The following CETN3 variants were observed in gnomAD, a reference collection of about 807,000 sequenced individuals.
CETN3 encodes centrin 3, also known as centrin-3.
CETN3 carries 17 observed loss-of-function variants against 20.1 expected under a neutral mutation model. The ratio of observed to expected loss-of-function variants is 0.85; its 90% CI spans 0.58 to 1.27. The LOEUF (loss-of-function observed/expected upper bound fraction) is 1.27, where lower values mean the gene tolerates loss of function less well. Among genes scored for constraint, CETN3 ranks in the 50% most tolerant of loss-of-function variants. The pLI is 0.00. For missense variants in CETN3, 169 were observed against 191.2 expected, an observed-to-expected ratio of 0.88 and a Z score of 0.69; for synonymous variants, 52 against 59.7, an observed-to-expected ratio of 0.87 and a Z score of 0.59.
intron 2 of CETN3, among the ~76,000 whole-genome samples, chr5:90,406,030 A>G (rs1275867282): frequency 6.6e-6 from 1 of 152,206 alleles, no homozygotes; most frequent in Non-Finnish European, 1.5e-5. Flanking sequence ...CAAAGTAACC[A>G]ACAAGTGTTT....
intron 3 of CETN3, among the ~76,000 whole-genome samples, chr5:90,399,920 T>C (rs980339341): frequency 1.3e-5 from 2 of 152,212 alleles, no homozygotes; most frequent in African/African-American, 4.8e-5. Context: ...CATCTACCTG[T>C]GGAGAGACAT....
intron 3 of CETN3, among the ~76,000 whole-genome samples, chr5:90,402,754 A>G (rs1749330739): frequency 6.6e-6 from 1 of 152,240 alleles, no homozygotes; most frequent in Non-Finnish European, 1.5e-5. Flanking sequence ...AATTTGGTCC[A>G]AAGGCTATAG....
chr5:90,402,767 G>A (rs895163639), intron 3 of CETN3, among the ~76,000 whole-genome samples: 10 of 152,196 alleles, frequency 6.6e-5, no homozygotes, highest in African/African-American at 2.4e-4. Context: ...GGCTATAGTT[G>A]CTGACTTCTG....
intron 1 of CETN3, among the ~76,000 whole-genome samples, chr5:90,409,021 G>A (rs529774440): frequency 2.0e-4 from 30 of 152,154 alleles, no homozygotes; most frequent in African/African-American, 7.0e-4. Flanking sequence ...GAATATTTTC[G>A]GAGTGTCGTA....
rs1749037767 is a variant in CETN3, at chr5:90,392,299, C to G, written c.*1765G>C. 1 of 152,046 alleles carries G rather than the reference C, an allele frequency of 6.6e-6. No homozygotes were observed. Among genetic ancestry groups the G allele is most frequent in the African/African-American group, 2.4e-5 (1 of 41,388 alleles). 9.4% of individuals were successfully genotyped at this position (152,046 alleles called of 1,614,324 possible). On this transcript the variant is annotated 3_prime_UTR_variant, in exon 5 of 5. Coordinates refer to ENST00000283122, the MANE Select transcript of CETN3 (RefSeq NM_004365.4). The stretch of plus-strand genomic sequence containing the variant: ...TTTTATTTTTCACTTTCCTGGAAAT[C>G]AATATATTTCATGATCAAGACAGAG...
At chr5:90,399,123 G>A (rs1409881053) in intron 4 of CETN3, 7 of 587,320 alleles carry the variant, frequency 1.2e-5, no homozygotes, top group East Asian at 1.1e-4. Flanking sequence ...ATATTGAAAG[G>A]CTGAAATTTT....
chr5:90,395,874 A>G lies in CETN3; in HGVS notation c.461-1767T>C, dbSNP rs974159814. ...TAAAACATGGTCATAGGGAATGAAA[A>G]GAATATATACTGCACTGGTTCTAGA... On this transcript the variant is annotated intron_variant, in intron 4 of 4. Coordinates refer to ENST00000283122, the MANE Select transcript of CETN3 (RefSeq NM_004365.4). 3.3e-6 allele frequency: 3 copies of G among 900,738 alleles called. No individual in the cohort carries two copies. In the African/African-American group the frequency reaches 5.4e-5, roughly 16 times the overall value. The allele number at this position is 900,738 out of a possible 1,614,324, so 55.8% of individuals were successfully genotyped here. A position where few individuals can be genotyped will look rare whatever the true frequency, so the allele number is the denominator to read the frequency against.
At chr5:90,398,111 A>G (rs569660429) in intron 4 of CETN3, among the ~76,000 whole-genome samples, 1 of 152,176 alleles carries the variant, frequency 6.6e-6, no homozygotes, top group Non-Finnish European at 1.5e-5. Context: ...CTTTATGTCT[A>G]TCTTGTAGTA....
intron 4 of CETN3, chr5:90,396,361 G>T: frequency 7.4e-7 from 1 of 1,351,302 alleles, no homozygotes. Context: ...CTTACAAATT[G>T]ATGTAGTGAT....
chr5:90,405,699 T>A lies in CETN3; in HGVS notation c.254A>T (p.Asp85Val), dbSNP rs148817496. 6.2e-7 allele frequency: 1 copy of A among 1,602,576 alleles called. No homozygotes were observed. Among genetic ancestry groups the A allele is most frequent in the Non-Finnish European group, 8.5e-7 (1 of 1,169,940 alleles). Residue 85 changes from aspartate to valine, a missense_variant, in exon 3 of 5, where the codon GAT becomes GTT. Coordinates refer to ENST00000283122, the MANE Select transcript of CETN3 (RefSeq NM_004365.4). Reference sequence around the variant, plus strand: ...AAAATACACACCAACTTCATTAAAATCTTCAAAGGTGATTTTCCCTGTGGC... The same window carrying A: ...AAAATACACACCAACTTCATTAAAAACTTCAAAGGTGATTTTCCCTGTGGC... ...REATGKITFE[D>V]FNEVVTDWIL...
chr5:90,409,671 G>A lies in CETN3; in HGVS notation c.-10C>T, dbSNP rs776049851. 1.2e-6 allele frequency: 2 copies of A among 1,614,070 alleles called. No individual in the cohort carries two copies. The highest frequency in any genetic ancestry group is 1.7e-6 in the Non-Finnish European group (2 of 1,180,010). On this transcript the variant is annotated 5_prime_UTR_variant, in exon 1 of 5. Transcript: ENST00000283122. ...TCAGAGCTAAACTCATTATCTCTTC[G>A]CACAGAGACGTTCCTCTCAAGAACG... is the stretch of plus-strand genomic sequence containing the variant.
At chr5:90,403,197 T>G (rs1352628512) in intron 3 of CETN3, among the ~76,000 whole-genome samples, 1 of 152,192 alleles carries the variant, frequency 6.6e-6, no homozygotes, top group Non-Finnish European at 1.5e-5. Context: ...TGGAACAGTG[T>G]CCTTGGGTAG....
intron 4 of CETN3, among the ~76,000 whole-genome samples, chr5:90,394,374 C>G (rs567874773): frequency 6.6e-6 from 1 of 151,568 alleles, no homozygotes; most frequent in Admixed American, 6.6e-5. Flanking sequence ...ATAATGTTAC[C>G]AAAAAAGTCA....
intron 4 of CETN3, 49 bp from the exon 5 acceptor site, chr5:90,394,156 T>C (rs148176689): frequency 0.016 from 20,325 of 1,300,018 alleles, 214 homozygotes; most frequent in Non-Finnish European, 0.018. Flanking sequence ...ACATTTTATT[T>C]TTTCAGAATC....
rs554022596 is a variant in CETN3, at chr5:90,396,300, T to C, written c.461-2193A>G. ...CATCTACAAAACACTATGACAAACA[T>C]GGTAAGAACGTAATACAAAATCTGT... On this transcript the variant is annotated intron_variant, in intron 4 of 4. Coordinates refer to ENST00000283122, the MANE Select transcript of CETN3 (RefSeq NM_004365.4). 41 of 985,134 alleles carry C rather than the reference T, an allele frequency of 4.2e-5. No homozygotes were observed. The South Asian group carries it at 1.5e-3, about 35-fold the overall frequency. The allele number at this position is 985,134 out of a possible 1,614,324, so 61.0% of individuals were successfully genotyped here.
Position 90,392,741 on chromosome 5 carries a change from C to G in CETN3, c.*1323G>C, listed in dbSNP as rs1749048251. On this transcript the variant is annotated 3_prime_UTR_variant, in exon 5 of 5. Transcript: ENST00000283122. ...ACCGTAAGCCAATTAAGCTTCTTTT[C>G]TTTATAAAATATGCAGTCTTGGGTA... The G allele has an allele frequency of 6.6e-6, 1 of 152,126 alleles. No individual in the cohort carries two copies. The highest frequency in any genetic ancestry group is 2.1e-4 in the South Asian group (1 of 4,828). The allele number at this position is 152,126 out of a possible 1,614,324, so 9.4% of individuals were successfully genotyped here. A position where few individuals can be genotyped will look rare whatever the true frequency, so the allele number is the denominator to read the frequency against.
intron 3 of CETN3, among the ~76,000 whole-genome samples, chr5:90,404,930 T>C (rs1299543492): frequency 6.6e-6 from 1 of 151,876 alleles, no homozygotes; most frequent in African/African-American, 2.4e-5. Context: ...TTCTAGACAA[T>C]ACATTTAAGT....
intron 4 of CETN3, chr5:90,396,207 A>G: frequency 1.0e-6 from 1 of 985,328 alleles, no homozygotes; most frequent in Non-Finnish European, 1.2e-6. Flanking sequence ...GAAATAAGCT[A>G]TGAGTTAGGA....
At chr5:90,398,245 A>G (rs1051262685) in intron 4 of CETN3, among the ~76,000 whole-genome samples, 2 of 152,172 alleles carry the variant, frequency 1.3e-5, no homozygotes, top group Non-Finnish European at 2.9e-5. Context: ...GAAGAACACT[A>G]AAGTCCACAA....
Sources: gnomAD v4.1 joint callset for allele counts (sites outside exome capture counted in the v4.1 genomes callset) on GRCh38, gnomAD v4.1.1 for gene constraint, MANE v1.5 for transcripts, NCBI Gene and HGNC (gene_info 2026-07-23, HGNC 2026-07-21) for gene names.